Variants in FBXO4 observed in about 807,000 individuals in gnomAD.
FBXO4 encodes F-box protein 4.
FBXO4 carries 36 observed loss-of-function variants against 43.7 expected under a neutral mutation model. That is an observed-to-expected ratio of 0.82 (90% CI 0.63 to 1.09). The LOEUF is 1.09. Ranked by LOEUF, FBXO4 falls within the 50% of genes least tolerant of loss-of-function variation. FBXO4 has a pLI of 0.00. For synonymous variants in FBXO4, 180 were observed against 165.6 expected, an observed-to-expected ratio of 1.09 and a Z score of -0.67; for missense variants, 435 against 474.1, an observed-to-expected ratio of 0.92 and a Z score of 0.77.
chr5:42,013,829 G>T, the FBXO4 span, among the ~76,000 whole-genome samples: 5 of 152,078 alleles, frequency 3.3e-5, no homozygotes, highest in Non-Finnish European at 7.4e-5. Flanking sequence ...GTGGCTTCTG[G>T]CCAGTAGTGT....
At chr5:42,031,117 G>C in the FBXO4 span, among the ~76,000 whole-genome samples, 8 of 152,096 alleles carry the variant, frequency 5.3e-5, no homozygotes, top group Non-Finnish European at 1.0e-4. Flanking sequence ...GGTAGATACC[G>C]AAAGGATTAT....
chr5:42,001,892 T>C, the FBXO4 span, among the ~76,000 whole-genome samples: 4 of 152,166 alleles, frequency 2.6e-5, no homozygotes, highest in Non-Finnish European at 2.9e-5. Context: ...AGTTTCACTA[T>C]GTTGGCCAGG....
At chr5:41,938,009 A>G (rs1383919725) in intron 5 of FBXO4, among the ~76,000 whole-genome samples, 1 of 152,372 alleles carries the variant, frequency 6.6e-6, no homozygotes, top group East Asian at 1.9e-4. Flanking sequence ...TTGTTAACAG[A>G]TCTTCACTAT....
the FBXO4 span, among the ~76,000 whole-genome samples, chr5:41,984,645 T>C: frequency 6.6e-6 from 1 of 152,234 alleles, no homozygotes; most frequent in Admixed American, 6.5e-5. Flanking sequence ...ATTCCTCATT[T>C]GGCCAGGAGT....
downstream of FBXO4, among the ~76,000 whole-genome samples, chr5:41,944,380 A>G (rs368365159): frequency 1.1e-4 from 17 of 152,336 alleles, no homozygotes; most frequent in East Asian, 2.1e-3. Context: ...GAAACGTTCA[A>G]TGGTTCACTA....
At chr5:41,988,120 G>C in the FBXO4 span, among the ~76,000 whole-genome samples, 12 of 152,178 alleles carry the variant, frequency 7.9e-5, no homozygotes, top group African/African-American at 1.2e-4. Flanking sequence ...GTAACATGTG[G>C]GGGGGAGAGA....
the FBXO4 span, among the ~76,000 whole-genome samples, chr5:41,978,891 G>A: frequency 7.9e-5 from 12 of 152,106 alleles, no homozygotes; most frequent in Non-Finnish European, 1.5e-4. Flanking sequence ...TTGGTGTTGA[G>A]GGCAAAGCCC....
At chr5:41,999,485 A>ACATG in the FBXO4 span, among the ~76,000 whole-genome samples, 1 of 98,920 alleles carries the variant, frequency 1.0e-5, no homozygotes, top group Non-Finnish European at 1.9e-5. Flanking sequence ...ATACACATAT[A>ACATG]TATATATACA....
intron 3 of FBXO4, 43 bp from the exon 4 acceptor site, chr5:41,933,903 T>C: frequency 6.6e-7 from 1 of 1,521,782 alleles, no homozygotes; most frequent in Non-Finnish European, 9.0e-7. Context: ...TTTTGCTATT[T>C]TTATTAATGA....
chr5:41,967,254 C>A, the FBXO4 span: 1 of 479,370 alleles, frequency 2.1e-6, no homozygotes, highest in South Asian at 1.6e-5. Context: ...TGTCATAGGG[C>A]CAACACCTCC....
chr5:42,007,737 T>G, the FBXO4 span, among the ~76,000 whole-genome samples: 1 of 152,140 alleles, frequency 6.6e-6, no homozygotes, highest in African/African-American at 2.4e-5. Context: ...CAAGCATTAT[T>G]GCAAAACTAT....
chr5:41,959,180 C>A, the FBXO4 span, among the ~76,000 whole-genome samples: 2 of 152,186 alleles, frequency 1.3e-5, no homozygotes, highest in African/African-American at 4.8e-5. Flanking sequence ...ATTAGCCATC[C>A]GTATATCTTC....
At chr5:41,992,505 C>A in the FBXO4 span, among the ~76,000 whole-genome samples, 3 of 152,124 alleles carry the variant, frequency 2.0e-5, no homozygotes, top group African/African-American at 7.2e-5. Context: ...GGTCCCTTAT[C>A]CAAACTTATA....
At chr5:41,931,165 A>C (rs1751676397) in intron 3 of FBXO4, among the ~76,000 whole-genome samples, 1 of 152,214 alleles carries the variant, frequency 6.6e-6, no homozygotes, top group African/African-American at 2.4e-5. Flanking sequence ...TGAAGAATTG[A>C]TTAGAAGGGG....
the FBXO4 span, among the ~76,000 whole-genome samples, chr5:41,979,956 C>G: frequency 1.3e-5 from 2 of 152,116 alleles, no homozygotes; most frequent in African/African-American, 2.4e-5. Context: ...ATGAATCAAT[C>G]TAAAGACAAA....
At chr5:42,009,100 G>GAAGGGCAACAGAGGCAGTGCTT in the FBXO4 span, among the ~76,000 whole-genome samples, 75 of 152,154 alleles carry the variant, frequency 4.9e-4, no homozygotes, top group Non-Finnish European at 9.0e-4. Flanking sequence ...CTGTCAATGA[G>GAAGGGCAACAGAGGCAGTGCTT]AAGGGCAACA....
chr5:41,939,221 G>T, intron 5 of FBXO4: 1 of 388,994 alleles, frequency 2.6e-6, no homozygotes, highest in Non-Finnish European at 4.6e-6. Flanking sequence ...TTGAATGAAA[G>T]GGTAGTGACA....
the FBXO4 span, among the ~76,000 whole-genome samples, chr5:41,948,531 A>G: frequency 3.9e-5 from 6 of 152,202 alleles, no homozygotes; most frequent in East Asian, 3.8e-4. Flanking sequence ...ACTACTTTAC[A>G]TATAACGAAT....
the FBXO4 span, among the ~76,000 whole-genome samples, chr5:41,979,876 T>C: frequency 6.6e-6 from 1 of 152,208 alleles, no homozygotes; most frequent in Admixed American, 6.5e-5. Flanking sequence ...CCTATGCCCT[T>C]CACAGACTTT....
Sources: allele counts gnomAD v4.1 joint callset (sites outside exome capture counted in the v4.1 genomes callset), GRCh38; gene constraint gnomAD v4.1.1; transcripts MANE v1.5; gene names NCBI Gene and HGNC (gene_info 2026-07-23, HGNC 2026-07-21).